Variants in SPOCK3 observed in about 807,000 individuals in gnomAD.
SPOCK3 encodes the protein testican-3.
Under a neutral mutation model 56.6 loss-of-function variants are expected in SPOCK3, and 30 were observed. The observed-to-expected ratio is 0.53, with a 90% CI of 0.40 to 0.72. SPOCK3 has a LOEUF of 0.72. SPOCK3 is among the 30% of genes least tolerant of loss of function. SPOCK3 has a pLI of 0.00. For synonymous variants in SPOCK3, 196 were observed against 183.3 expected, an observed-to-expected ratio of 1.07 and a Z score of -0.56; for missense variants, 527 against 530.0, an observed-to-expected ratio of 0.99 and a Z score of 0.06.
chr4:166,818,175 C>T (rs1744569717), intron 6 of SPOCK3, among the ~76,000 whole-genome samples: 1 of 151,846 alleles, frequency 6.6e-6, no homozygotes, highest in Admixed American at 6.6e-5. Flanking sequence ...ACATAATATT[C>T]CCCCGGCTCA....
At chr4:167,164,798 C>T (rs1765617352) in intron 2 of SPOCK3, among the ~76,000 whole-genome samples, 1 of 152,070 alleles carries the variant, frequency 6.6e-6, no homozygotes, top group Non-Finnish European at 1.5e-5. Flanking sequence ...CACAGTATTC[C>T]ATGGTGTATA....
At chr4:166,941,127 T>C (rs1741010486) in intron 4 of SPOCK3, among the ~76,000 whole-genome samples, 1 of 152,092 alleles carries the variant, frequency 6.6e-6, no homozygotes, top group Non-Finnish European at 1.5e-5. Context: ...TGGTCACAGT[T>C]AAAACAGATT....
At chr4:166,900,006 A>G (rs13126813) in intron 5 of SPOCK3, among the ~76,000 whole-genome samples, 58,090 of 152,008 alleles carry the variant, frequency 0.38, 12,097 homozygotes, top group Non-Finnish European at 0.48. Context: ...CAACTCAACT[A>G]AACCAACAGA....
intron 2 of SPOCK3, among the ~76,000 whole-genome samples, chr4:167,153,662 T>A (rs1441022140): frequency 1.3e-5 from 2 of 152,178 alleles, no homozygotes; most frequent in Non-Finnish European, 2.9e-5. Flanking sequence ...CAGAAAGTCG[T>A]ATATTTCACT....
chr4:166,895,206 C>A (rs1399618021), intron 5 of SPOCK3, among the ~76,000 whole-genome samples: 1 of 151,598 alleles, frequency 6.6e-6, no homozygotes, highest in Non-Finnish European at 1.5e-5. Flanking sequence ...TTAATAAAAT[C>A]ATTTTTACTT....
intron 4 of SPOCK3, 21 bp from the exon 5 acceptor site, chr4:166,912,764 G>T (rs750631168): frequency 6.4e-7 from 1 of 1,569,300 alleles, no homozygotes; most frequent in African/African-American, 1.4e-5. Flanking sequence ...AATAAAGCAA[G>T]CATATTGAGC....
intron 5 of SPOCK3, among the ~76,000 whole-genome samples, chr4:166,900,597 C>T (rs927758004): frequency 2.0e-5 from 3 of 152,158 alleles, no homozygotes; most frequent in Admixed American, 6.6e-5. Flanking sequence ...CTATGCCCTC[C>T]AGTTGGCAGC....
At chr4:167,130,000 T>C (rs1762575366) in intron 2 of SPOCK3, among the ~76,000 whole-genome samples, 1 of 152,136 alleles carries the variant, frequency 6.6e-6, no homozygotes, top group African/African-American at 2.4e-5. Flanking sequence ...AATTATGTTT[T>C]CCAAAAATAA....
intron 2 of SPOCK3, among the ~76,000 whole-genome samples, chr4:167,212,210 TTTTG>T (rs902058047): frequency 2.6e-5 from 4 of 151,568 alleles, no homozygotes; most frequent in East Asian, 2.2e-4. Context: ...TACAGTTTTG[TTTTG>T]TTTATTTGAC....
At chr4:166,752,476 T>C (rs1384310491) in intron 8 of SPOCK3, among the ~76,000 whole-genome samples, 1 of 151,778 alleles carries the variant, frequency 6.6e-6, no homozygotes, top group Non-Finnish European at 1.5e-5. Context: ...CTAGATTAAA[T>C]AACCTCTCAT....
rs1472394902 is a variant in SPOCK3, at chr4:166,738,374, AAC to A, written c.995-772_995-771del. ...CATCTCAAGCCCATGGTCGAGAGGGAACACAGTCTATTGGGAATAGTAGAACA... is the reference window on the plus strand; with the variant it reads ...CATCTCAAGCCCATGGTCGAGAGGGAACAGTCTATTGGGAATAGTAGAACA... On this transcript the variant is annotated intron_variant, in intron 9 of 10. Coordinates refer to ENST00000357545, the MANE Select transcript of SPOCK3 (RefSeq NM_001040159.2). 9.2e-5 allele frequency among the ~76,000 whole-genome samples: 14 copies of A among 152,164 alleles called. No homozygotes were observed. In the East Asian group the frequency reaches 2.7e-3, roughly 29 times the overall value.
At chr4:167,109,131 ATATT>A in intron 2 of SPOCK3, among the ~76,000 whole-genome samples, 2 of 79,112 alleles carry the variant, frequency 2.5e-5, no homozygotes, top group Non-Finnish European at 4.3e-5. Context: ...TAAATATTAT[ATATT>A]TATATAAAAA....
At chr4:166,892,891 G>T (rs1734939727) in intron 5 of SPOCK3, among the ~76,000 whole-genome samples, 1 of 152,064 alleles carries the variant, frequency 6.6e-6, no homozygotes, top group Non-Finnish European at 1.5e-5. Context: ...ATGAAAAAGA[G>T]CCCAACCTTC....
intron 2 of SPOCK3, among the ~76,000 whole-genome samples, chr4:167,222,608 TTA>T (rs1283404559): frequency 7.3e-6 from 1 of 137,772 alleles, no homozygotes; most frequent in African/African-American, 2.6e-5. Context: ...TACACATATG[TTA>T]TATATTTATA....
chr4:166,831,471 TA>T (rs1340734410), intron 6 of SPOCK3, among the ~76,000 whole-genome samples: 3 of 152,128 alleles, frequency 2.0e-5, no homozygotes, highest in Non-Finnish European at 4.4e-5. Context: ...CTATATAGGA[TA>T]AAAAAGATAT....
chr4:166,830,748 C>T (rs1002170402), intron 6 of SPOCK3, among the ~76,000 whole-genome samples: 4 of 151,324 alleles, frequency 2.6e-5, no homozygotes, highest in Non-Finnish European at 4.4e-5. Context: ...CCGCCCCGCT[C>T]GAAAAAAAGA....
chr4:166,925,194 A>C (rs1210489546), intron 4 of SPOCK3, among the ~76,000 whole-genome samples: 2 of 152,196 alleles, frequency 1.3e-5, no homozygotes, highest in African/African-American at 4.8e-5. Flanking sequence ...ATGAACAATG[A>C]AATTGAATTT....
intron 3 of SPOCK3, among the ~76,000 whole-genome samples, chr4:167,009,056 C>A (rs1749755436): frequency 6.6e-6 from 1 of 152,102 alleles, no homozygotes; most frequent in Non-Finnish European, 1.5e-5. Flanking sequence ...ATTACTTTTT[C>A]TTTTGTATAA....
intron 3 of SPOCK3, among the ~76,000 whole-genome samples, chr4:167,029,755 CA>C (rs555003990): frequency 6.6e-5 from 10 of 151,922 alleles, no homozygotes; most frequent in Non-Finnish European, 1.2e-4. Context: ...TGAATTTTTT[CA>C]ATCTTTTGTG....
Sources: allele counts gnomAD v4.1 joint callset (sites outside exome capture counted in the v4.1 genomes callset), GRCh38; gene constraint gnomAD v4.1.1; transcripts MANE v1.5; gene names NCBI Gene and HGNC (gene_info 2026-07-23, HGNC 2026-07-21).